Variants in VPS33A observed in about 807,000 individuals in gnomAD.
VPS33A encodes the protein VPS33A core subunit of CORVET and HOPS complexes.
A neutral mutation model predicts 71.8 loss-of-function variants in VPS33A; 32 were observed. The ratio of observed to expected loss-of-function variants is 0.45; its 90% CI spans 0.34 to 0.60. VPS33A has a LOEUF of 0.60. VPS33A is among the 20% of genes least tolerant of loss of function. The pLI is 0.02. For missense variants in VPS33A, 625 were observed against 748.5 expected (o/e 0.84, Z 1.92); for synonymous variants, 311 against 292.7 (o/e 1.06, Z -0.64).
At chr12:122,263,846 G>A in intron 2 of VPS33A, 147 bp from the exon 3 acceptor site, 2 of 1,050,288 alleles carry the variant, frequency 1.9e-6, no homozygotes, top group Non-Finnish European at 2.6e-6. Flanking sequence ...AATACATAAA[G>A]GACAAAGTTT....
chr12:122,258,202 C>A (rs1277249117), intron 4 of VPS33A, among the ~76,000 whole-genome samples: 2 of 151,848 alleles, frequency 1.3e-5, no homozygotes, highest in African/African-American at 4.8e-5. Context: ...CCAGCCTGGG[C>A]AACATAGTGA....
chr12:122,232,693 T>C, intron 12 of VPS33A, 107 bp downstream of exon 12: 4 of 1,410,830 alleles, frequency 2.8e-6, no homozygotes, highest in Non-Finnish European at 3.8e-6. Flanking sequence ...AGAGGTGTAT[T>C]TAATTCTGAC....
At chr12:122,255,540 C>A (rs986301301) in intron 4 of VPS33A, among the ~76,000 whole-genome samples, 7 of 151,902 alleles carry the variant, frequency 4.6e-5, no homozygotes, top group East Asian at 1.9e-4. Context: ...CCCGTCTCTA[C>A]TAAAAATACA....
chr12:122,242,255 A>AAGTGTTAATG, intron 8 of VPS33A, 127 bp downstream of exon 8: 1 of 1,175,394 alleles, frequency 8.5e-7, no homozygotes, highest in East Asian at 2.4e-5. Flanking sequence ...TAACACTGAG[A>AAGTGTTAATG]AGAACACGTG....
chr12:122,244,881 A>G, intron 6 of VPS33A, 119 bp from the exon 7 acceptor site: 1 of 942,674 alleles, frequency 1.1e-6, no homozygotes, highest in Non-Finnish European at 1.6e-6. Flanking sequence ...CAAACGACAC[A>G]TAGCTCTGAG....
At chr12:122,238,388 T>C (rs1411574053) in intron 10 of VPS33A, among the ~76,000 whole-genome samples, 199 bp downstream of exon 10, 1 of 152,106 alleles carries the variant, frequency 6.6e-6, no homozygotes, top group Non-Finnish European at 1.5e-5. Flanking sequence ...GCCTGGCTAA[T>C]TTTTGTATTT....
At chr12:122,241,853 G>A (rs1207620733) in intron 8 of VPS33A, among the ~76,000 whole-genome samples, 3 of 151,674 alleles carry the variant, frequency 2.0e-5, no homozygotes, top group Non-Finnish European at 4.4e-5. Context: ...TCAGCCTCCC[G>A]AAGTGCTGGG....
chr12:122,266,096 C>T (rs190806114), intron 1 of VPS33A, among the ~76,000 whole-genome samples: 1 of 152,188 alleles, frequency 6.6e-6, no homozygotes, highest in Non-Finnish European at 1.5e-5. Context: ...ACAAAACAGT[C>T]GCGGTGCCAC....
At chr12:122,246,518 C>T (rs1046672353) in intron 6 of VPS33A, among the ~76,000 whole-genome samples, 1 of 151,830 alleles carries the variant, frequency 6.6e-6, no homozygotes, top group Non-Finnish European at 1.5e-5. Context: ...AGGCTGGTCT[C>T]GAACTCCTGA....
At chr12:122,252,633 A>G (rs1345067080) in intron 4 of VPS33A, among the ~76,000 whole-genome samples, 1 of 152,072 alleles carries the variant, frequency 6.6e-6, no homozygotes, top group African/African-American at 2.4e-5. Context: ...GAGAGGAGGG[A>G]AGCAGTCACT....
chr12:122,266,179 G>A (rs1955068307), intron 1 of VPS33A, 128 bp downstream of exon 1: 24 of 1,371,432 alleles, frequency 1.7e-5, no homozygotes, highest in Middle Eastern at 2.3e-4. Context: ...AGGTAAAAGG[G>A]CCCTGAGGCT....
intron 10 of VPS33A, 53 bp from the exon 11 acceptor site, chr12:122,235,976 A>T (rs1251980087): frequency 1.9e-6 from 3 of 1,555,192 alleles, no homozygotes; most frequent in Non-Finnish European, 1.7e-6. Context: ...GGATTTCTGC[A>T]ATTTTCAAAG....
chr12:122,246,095 T>C (rs867251088), intron 6 of VPS33A, among the ~76,000 whole-genome samples: 65 of 152,114 alleles, frequency 4.3e-4, no homozygotes, highest in Non-Finnish European at 8.5e-4. Flanking sequence ...ATGGAGCTGG[T>C]GTAACTCTGC....
intron 6 of VPS33A, among the ~76,000 whole-genome samples, chr12:122,247,923 G>A (rs944535705): frequency 2.0e-5 from 3 of 151,882 alleles, no homozygotes; most frequent in East Asian, 3.9e-4. Flanking sequence ...TTGAGACAAA[G>A]TCTCACTCTG....
rs1373168040 is a variant in VPS33A at position 122,238,573 on chromosome 12, A to T, written c.1302+14T>A. ...GTCCCCCTTGGCAAATTAATAATTT[A>T]AAAATATACTCACCTGGAGAATCTC... On this transcript the variant is annotated intron_variant, in intron 10 of 12. Coordinates refer to ENST00000267199, the MANE Select transcript of VPS33A (RefSeq NM_022916.6). 1.9e-6 allele frequency: 3 copies of T among 1,593,712 alleles called. No homozygotes were observed. Among genetic ancestry groups the T allele is most frequent in the Non-Finnish European group, 2.6e-6 (3 of 1,172,678 alleles).
At position 122,264,186 on chromosome 12, in the gene VPS33A, T is replaced by C; in HGVS notation, c.116A>G (p.Asp39Gly). The change falls in exon 2 of 13, where the codon GAT becomes GGT. Residue 39 changes from aspartate (D) to glycine (G), a missense_variant. Asp to Gly is a moderately conservative substitution (Grantham distance 94). Coordinates refer to ENST00000267199, the MANE Select transcript of VPS33A (RefSeq NM_022916.6). ...KCAGSKAIVW[D>G]EYLTGPFGLI... ...GCCAAAGGGTCCAGTTAGGTATTCATCCCAAACTATTGCCTGTAAGAGGGG... is the reference window on the plus strand; with the variant it reads ...GCCAAAGGGTCCAGTTAGGTATTCACCCCAAACTATTGCCTGTAAGAGGGG... 1 of 1,548,352 alleles carries C rather than the reference T, an allele frequency of 6.5e-7. No homozygotes were observed. Among genetic ancestry groups the C allele is most frequent in the Non-Finnish European group, 8.8e-7 (1 of 1,135,530 alleles).
At chr12:122,263,449 C>A in intron 3 of VPS33A, 123 bp downstream of exon 3, 1 of 1,208,684 alleles carries the variant, frequency 8.3e-7, no homozygotes, top group Non-Finnish European at 1.1e-6. Context: ...CCATGCCTAT[C>A]TCAGTTTTCC....
chr12:122,232,771 T>G, intron 12 of VPS33A, 29 bp downstream of exon 12: 14 of 1,596,866 alleles, frequency 8.8e-6, no homozygotes, highest in Non-Finnish European at 1.2e-5. Context: ...CAGTACATAA[T>G]TATCTGTAGA....
intron 6 of VPS33A, 91 bp from the exon 7 acceptor site, chr12:122,244,853 G>T: frequency 7.5e-7 from 1 of 1,334,010 alleles, no homozygotes; most frequent in Non-Finnish European, 1.0e-6. Context: ...TTCCAACTCA[G>T]GAGAAAATGG....
Sources: gnomAD v4.1 joint callset for allele counts (sites outside exome capture counted in the v4.1 genomes callset) on GRCh38, gnomAD v4.1.1 for gene constraint, MANE v1.5 for transcripts, NCBI Gene and HGNC (gene_info 2026-07-23, HGNC 2026-07-21) for gene names.